Variants in NEDD4 observed in about 807,000 individuals in gnomAD.
The protein encoded by NEDD4 is NEDD4 E3 ubiquitin protein ligase.
NEDD4 carries 99 observed loss-of-function variants against 144.9 expected under a neutral mutation model. The observed-to-expected ratio is 0.68, with a 90% CI of 0.58 to 0.81. The LOEUF (loss-of-function observed/expected upper bound fraction) is 0.81. Among genes scored for constraint, NEDD4 ranks in the 30% least tolerant of loss-of-function variants. The probability of loss-of-function intolerance (pLI) is 0.00; values close to 1 mark genes in which losing one functional copy is unlikely to be tolerated. For synonymous variants in NEDD4, 318 were observed against 350.6 expected, an observed-to-expected ratio of 0.91 and a Z score of 1.04; for missense variants, 985 against 1,065.9, an observed-to-expected ratio of 0.92 and a Z score of 1.06.
At chr15:55,945,302 T>G (rs2037089007) in intron 4 of NEDD4, among the ~76,000 whole-genome samples, 1 of 152,018 alleles carries the variant, frequency 6.6e-6, no homozygotes, top group Non-Finnish European at 1.5e-5. Context: ...GAATAAATAG[T>G]GTAGAGAAGA....
intron 1 of NEDD4, among the ~76,000 whole-genome samples, chr15:55,981,899 C>T (rs999792985): frequency 1.3e-5 from 2 of 152,160 alleles, no homozygotes; most frequent in Admixed American, 1.3e-4. Context: ...GGAAGTATTC[C>T]TCATTTAAAA....
At chr15:55,983,547 G>A (rs1157418254) in intron 1 of NEDD4, among the ~76,000 whole-genome samples, 20 of 150,498 alleles carry the variant, frequency 1.3e-4, no homozygotes, top group African/African-American at 4.7e-4. Context: ...TTCATCCTTA[G>A]TTTCAATTTC....
At chr15:55,978,142 G>C (rs59787096) in intron 1 of NEDD4, among the ~76,000 whole-genome samples, 2,278 of 152,018 alleles carry the variant, frequency 0.015, 57 homozygotes, top group African/African-American at 0.053. Flanking sequence ...TGTTAGCCTC[G>C]ACTGAAACAC....
intron 1 of NEDD4, among the ~76,000 whole-genome samples, chr15:55,977,744 T>G (rs1595886225): frequency 1.3e-5 from 2 of 152,112 alleles, no homozygotes; most frequent in Non-Finnish European, 2.9e-5. Flanking sequence ...CTTGTTTTTT[T>G]TTTTAATTTA....
At chr15:55,987,048 C>T (rs2037907962) in intron 1 of NEDD4, among the ~76,000 whole-genome samples, 1 of 143,174 alleles carries the variant, frequency 7.0e-6, no homozygotes, top group Non-Finnish European at 1.5e-5. Flanking sequence ...AATCGCCACA[C>T]TGACTTCCAC....
At chr15:55,848,293 G>GTGACTTTCCTC (rs2033831958) in intron 17 of NEDD4, 79 bp downstream of exon 17, 1 of 1,357,586 alleles carries the variant, frequency 7.4e-7, no homozygotes, top group Admixed American at 1.7e-5. Flanking sequence ...TGCCTGTAGG[G>GTGACTTTCCTC]TTATGCCCGT....
intron 5 of NEDD4, among the ~76,000 whole-genome samples, chr15:55,892,096 T>A (rs1398339172): frequency 2.0e-5 from 3 of 151,820 alleles, no homozygotes; most frequent in Non-Finnish European, 4.4e-5. Flanking sequence ...CCAAACCCCG[T>A]CTCTACTAAA....
chr15:55,937,561 T>C (rs889459199), intron 4 of NEDD4, among the ~76,000 whole-genome samples: 2 of 152,170 alleles, frequency 1.3e-5, no homozygotes, highest in African/African-American at 4.8e-5. Flanking sequence ...TTGGTAAATG[T>C]AACTAGCTAA....
At chr15:55,849,242 G>A (rs577592275) in intron 14 of NEDD4, among the ~76,000 whole-genome samples, 7 of 151,848 alleles carry the variant, frequency 4.6e-5, no homozygotes, top group Admixed American at 2.6e-4. Flanking sequence ...CTTTTTTTCT[G>A]AGGTGGAGTG....
chr15:55,902,670 T>C (rs74015331), intron 5 of NEDD4, among the ~76,000 whole-genome samples: 3,052 of 152,208 alleles, frequency 0.02, 120 homozygotes, highest in African/African-American at 0.07. Context: ...AAAAACTAGC[T>C]TATAATAATA....
chr15:55,836,150 G>A (rs532443956), intron 24 of NEDD4, among the ~76,000 whole-genome samples: 1 of 152,094 alleles, frequency 6.6e-6, no homozygotes, highest in Non-Finnish European at 1.5e-5. Context: ...GTCCTTCTTT[G>A]TCCCTTCCTT....
chr15:55,962,357 C>A (rs540275534), intron 2 of NEDD4, among the ~76,000 whole-genome samples: 16 of 152,188 alleles, frequency 1.1e-4, no homozygotes, highest in Non-Finnish European at 2.2e-4. Context: ...TATTTTAATC[C>A]ATTAATGTTC....
chr15:55,864,542 G>A (rs575859153), intron 8 of NEDD4, among the ~76,000 whole-genome samples: 2 of 151,844 alleles, frequency 1.3e-5, no homozygotes, highest in South Asian at 2.1e-4. Flanking sequence ...TTAGCCAGGT[G>A]TGGTGGCGCA....
At position 55,841,846 on chromosome 15, in the gene NEDD4, C is replaced by A. The variant is rs1392632769; in HGVS notation, c.1838+88G>T. ...TCGGCCTCCCAAAGTGCTGGGATTACAGGCATGAGCCACTGCACCCGGCCG... is the reference window on the plus strand; with the variant it reads ...TCGGCCTCCCAAAGTGCTGGGATTAAAGGCATGAGCCACTGCACCCGGCCG... On this transcript the variant is annotated intron_variant, in intron 19 of 28. Transcript: ENST00000435532. 7.4e-6 allele frequency: 8 copies of A among 1,080,124 alleles called. No homozygotes were observed. The Admixed American group carries it at 7.5e-5, about 10-fold the overall frequency. The allele number at this position is 1,080,124 out of a possible 1,614,324, so 66.9% of individuals were successfully genotyped here.
chr15:55,980,793 G>GT (rs1566977233), intron 1 of NEDD4, among the ~76,000 whole-genome samples: 54 of 149,164 alleles, frequency 3.6e-4, no homozygotes, highest in East Asian at 1.6e-3. Flanking sequence ...TGTGTGTAGG[G>GT]GTGTGTGTGT....
At chr15:55,915,563 C>A (rs1481265408) in intron 5 of NEDD4, 7 of 1,613,934 alleles carry the variant, frequency 4.3e-6, no homozygotes, top group Non-Finnish European at 5.9e-6. Flanking sequence ...GGGAGGATGG[C>A]AAACATGCAG....
intron 1 of NEDD4, among the ~76,000 whole-genome samples, chr15:55,980,090 G>A (rs760709058): frequency 4.3e-4 from 65 of 152,054 alleles, no homozygotes; most frequent in African/African-American, 1.2e-3. Context: ...TTACAGGCGC[G>A]TGCCACTATG....
intron 1 of NEDD4, among the ~76,000 whole-genome samples, chr15:55,973,671 G>C (rs1253577666): frequency 2.6e-5 from 4 of 152,118 alleles, no homozygotes; most frequent in African/African-American, 9.6e-5. Context: ...GTATGCTCCT[G>C]AATGATTGGC....
chr15:55,984,572 A>ATAT (rs1451034946), intron 1 of NEDD4, among the ~76,000 whole-genome samples: 1 of 152,202 alleles, frequency 6.6e-6, no homozygotes, highest in African/African-American at 2.4e-5. Context: ...TTGTTTGTTC[A>ATAT]TATTACTCTC....
Sources: allele counts gnomAD v4.1 joint callset (sites outside exome capture counted in the v4.1 genomes callset), GRCh38; gene constraint gnomAD v4.1.1; transcripts MANE v1.5; gene names NCBI Gene and HGNC (gene_info 2026-07-23, HGNC 2026-07-21).